LRP1B: variants seen among roughly 807,000 people sequenced by gnomAD.
LRP1B encodes low-density lipoprotein receptor-related protein 1B.
In LRP1B, 217 loss-of-function variants were observed where a neutral mutation model predicts 556.6. The observed-to-expected ratio is 0.39, with a 90% confidence interval of 0.35 to 0.44. LRP1B has a LOEUF of 0.44. LRP1B is among the 20% of genes least tolerant of loss of function. The pLI is 1.00. For synonymous variants in LRP1B, 2,047 were observed against 1,865.8 expected (o/e 1.10, Z -2.50); for missense variants, 5,053 against 5,620.8 (o/e 0.90, Z 3.23).
At chr2:141,062,306 G>A (rs1426741625) in intron 7 of LRP1B, 33 bp from the exon 8 acceptor site, 8 of 1,473,248 alleles carry the variant, frequency 5.4e-6, no homozygotes, top group Non-Finnish European at 7.4e-6. Context: ...TAAAGTGGAG[G>A]GTGGGGGAGG....
chr2:140,737,063 A>G (rs1167862322), intron 35 of LRP1B, among the ~76,000 whole-genome samples: 1 of 152,208 alleles, frequency 6.6e-6, no homozygotes, highest in Non-Finnish European at 1.5e-5. Flanking sequence ...CCCCAAAAAA[A>G]TAAACAAGGG....
At chr2:140,913,330 T>C (rs1215770626) in intron 21 of LRP1B, among the ~76,000 whole-genome samples, 2 of 151,852 alleles carry the variant, frequency 1.3e-5, no homozygotes, top group African/African-American at 4.8e-5. Context: ...ATATTGAACA[T>C]ATAAAGTAGA....
intron 41 of LRP1B, among the ~76,000 whole-genome samples, chr2:140,657,011 CTTA>C (rs1465412268): frequency 3.3e-5 from 5 of 152,044 alleles, no homozygotes; most frequent in Non-Finnish European, 5.9e-5. Context: ...TTTTCCTTCT[CTTA>C]TTATATTTTA....
intron 2 of LRP1B, among the ~76,000 whole-genome samples, chr2:141,765,926 G>C (rs896513889): frequency 5.9e-5 from 9 of 152,108 alleles, no homozygotes; most frequent in African/African-American, 1.9e-4. Flanking sequence ...TGATTCTGCT[G>C]TACATTCAAG....
intron 83 of LRP1B, among the ~76,000 whole-genome samples, chr2:140,307,326 T>C (rs567958088): frequency 1.3e-5 from 2 of 151,970 alleles, no homozygotes; most frequent in African/African-American, 4.8e-5. Context: ...CAGTCCACAG[T>C]AACTGGAAGT....
intron 15 of LRP1B, among the ~76,000 whole-genome samples, chr2:140,999,043 T>A (rs565786994): frequency 6.6e-6 from 1 of 152,224 alleles, no homozygotes; most frequent in East Asian, 1.9e-4. Flanking sequence ...TTTGTAGTTG[T>A]CTGCAGTTTA....
chr2:140,390,590 C>T (rs1683971595), intron 66 of LRP1B, among the ~76,000 whole-genome samples: 1 of 151,892 alleles, frequency 6.6e-6, no homozygotes. Context: ...AATTAGACTT[C>T]AACACAATTA....
chr2:141,707,344 C>CTGTTCTCA (rs1416990157), intron 2 of LRP1B, among the ~76,000 whole-genome samples: 1 of 152,102 alleles, frequency 6.6e-6, no homozygotes, highest in East Asian at 1.9e-4. Flanking sequence ...AAAGGTCCTA[C>CTGTTCTCA]TGTTCTCAGC....
Position 142,124,117 on chromosome 2 carries a change from G to A in LRP1B, c.82+6531C>T, listed in dbSNP as rs183532461. ...TAAACATGTGTAACAAGGGTTTGTT[G>A]ATCATATTATCTTACCACCCAGGTG... On this transcript the variant is annotated intron_variant, in intron 1 of 90. Transcript: ENST00000389484. 5.9e-5 allele frequency among the ~76,000 whole-genome samples: 9 copies of A among 151,932 alleles called. No individual in the cohort carries two copies. The East Asian group carries it at 1.4e-3, about 23-fold the overall frequency.
At chr2:141,252,809 A>C (rs1488287694) in intron 4 of LRP1B, among the ~76,000 whole-genome samples, 2 of 152,138 alleles carry the variant, frequency 1.3e-5, no homozygotes, top group Non-Finnish European at 2.9e-5. Flanking sequence ...GCTACCTGGA[A>C]ATACAGTTTT....
Position 140,647,862 on chromosome 2 carries a change from A to G in LRP1B, c.6800-46223T>C, listed in dbSNP as rs186735980. The stretch of plus-strand genomic sequence containing the variant: ...GGTGGGACTGTAAACTAGTTCAACC[A>G]TTGTGGAAGACAGTGTGGCGATTCC... On this transcript the variant is annotated intron_variant, in intron 41 of 90. Transcript: ENST00000389484. Among the ~76,000 whole-genome samples the G allele has an allele frequency of 3.6e-3, 554 of 152,296 alleles. 1 individual carries two copies. Among genetic ancestry groups the G allele is most frequent in the African/African-American group, 0.012 (515 of 41,564 alleles).
intron 2 of LRP1B, among the ~76,000 whole-genome samples, chr2:141,800,364 C>T (rs1480660253): frequency 6.6e-6 from 1 of 152,184 alleles, no homozygotes; most frequent in East Asian, 1.9e-4. Context: ...AAGTAAATTT[C>T]CTTTTGCTTT....
chr2:140,917,996 C>T (rs1209588176), intron 21 of LRP1B, among the ~76,000 whole-genome samples: 1 of 151,908 alleles, frequency 6.6e-6, no homozygotes, highest in Non-Finnish European at 1.5e-5. Flanking sequence ...TTGCTGTGAA[C>T]CTAAAATTTG....
At chr2:140,594,497 C>T (rs926836101) in intron 43 of LRP1B, among the ~76,000 whole-genome samples, 5 of 152,174 alleles carry the variant, frequency 3.3e-5, no homozygotes, top group Non-Finnish European at 5.9e-5. Context: ...GAACACTTTT[C>T]CAACAGGCTT....
intron 2 of LRP1B, among the ~76,000 whole-genome samples, chr2:141,623,832 T>C (rs1409097223): frequency 2.6e-5 from 4 of 151,502 alleles, no homozygotes; most frequent in Non-Finnish European, 5.9e-5. Context: ...CTGGCTAAGA[T>C]GGTGAAACTC....
chr2:141,326,848 G>A (rs1312322153), intron 3 of LRP1B, among the ~76,000 whole-genome samples: 1 of 152,118 alleles, frequency 6.6e-6, no homozygotes, highest in African/African-American at 2.4e-5. Context: ...ATCATTGAAG[G>A]GCTTTAGGCC....
At chr2:142,084,323 C>T (rs980935152) in intron 1 of LRP1B, among the ~76,000 whole-genome samples, 3 of 152,094 alleles carry the variant, frequency 2.0e-5, no homozygotes, top group African/African-American at 7.2e-5. Context: ...TGTTTCCCCT[C>T]TATCCTCTCT....
rs181426330 is a variant in LRP1B, at chr2:141,786,012, G to A, written c.205+24267C>T. Among the ~76,000 whole-genome samples, 209 of 151,908 alleles carry A rather than the reference G, an allele frequency of 1.4e-3. 3 individuals are homozygous for A. The highest frequency in any genetic ancestry group is 0.014 in the Admixed American group (207 of 15,180). ...AAGTGAGCCACCACATTATTGTTTTGGAGATGATGGAGTGAGATGCATGGC... is the reference window on the plus strand; with the variant it reads ...AAGTGAGCCACCACATTATTGTTTTAGAGATGATGGAGTGAGATGCATGGC... On this transcript the variant is annotated intron_variant, in intron 2 of 90. Coordinates refer to ENST00000389484, the MANE Select transcript of LRP1B (RefSeq NM_018557.3).
At chr2:141,234,615 G>T (rs149762943) in intron 5 of LRP1B, among the ~76,000 whole-genome samples, 2,273 of 152,134 alleles carry the variant, frequency 0.015, 34 homozygotes, top group Middle Eastern at 0.031. Flanking sequence ...GACCTCAGGT[G>T]ATCTGCCCGC....
Sources: allele counts gnomAD v4.1 joint callset (sites outside exome capture counted in the v4.1 genomes callset), GRCh38; gene constraint gnomAD v4.1.1; transcripts MANE v1.5; gene names NCBI Gene and HGNC (gene_info 2026-07-23, HGNC 2026-07-21).